Variants in EDIL3 observed in about 807,000 individuals in gnomAD.
EDIL3 encodes the protein EGF-like repeat and discoidin I-like domain-containing protein 3.
A neutral mutation model predicts 67.4 loss-of-function variants in EDIL3; 37 were observed. The ratio of observed to expected loss-of-function variants is 0.55; its 90% CI spans 0.42 to 0.72. The LOEUF (loss-of-function observed/expected upper bound fraction) is 0.72. Among genes scored for constraint, EDIL3 ranks in the 30% least tolerant of loss-of-function variants. The pLI is 0.00. For missense variants in EDIL3, 527 were observed against 586.3 expected, an observed-to-expected ratio of 0.90 and a Z score of 1.04; for synonymous variants, 195 against 196.3, an observed-to-expected ratio of 0.99 and a Z score of 0.05.
chr5:84,179,280 C>A (rs1748973936), intron 4 of EDIL3, among the ~76,000 whole-genome samples: 1 of 152,162 alleles, frequency 6.6e-6, no homozygotes, highest in Non-Finnish European at 1.5e-5. Context: ...ATCAGGGAGA[C>A]CTAGCCTTGG....
intron 6 of EDIL3, among the ~76,000 whole-genome samples, chr5:84,091,996 C>T (rs1466471740): frequency 6.6e-6 from 1 of 152,090 alleles, no homozygotes; most frequent in South Asian, 2.1e-4. Flanking sequence ...CAATAAGAAA[C>T]TCTCAAAAAT....
intron 10 of EDIL3, among the ~76,000 whole-genome samples, chr5:83,960,714 A>G (rs944419646): frequency 6.6e-6 from 1 of 151,108 alleles, no homozygotes; most frequent in Non-Finnish European, 1.5e-5. Context: ...TCACAAAAAT[A>G]GCAAAACGTT....
intron 1 of EDIL3, among the ~76,000 whole-genome samples, chr5:84,344,741 A>T (rs762989750): frequency 1.3e-5 from 2 of 152,138 alleles, no homozygotes; most frequent in African/African-American, 2.4e-5. Context: ...AAATTAATCC[A>T]AACAATTCCT....
chr5:84,089,834 T>A (rs756121098), intron 6 of EDIL3, among the ~76,000 whole-genome samples: 9 of 152,242 alleles, frequency 5.9e-5, no homozygotes, highest in Non-Finnish European at 1.3e-4. Flanking sequence ...AGTGCGACTT[T>A]GTTTATTCTA....
chr5:84,079,630 G>A (rs1746927108), intron 6 of EDIL3, among the ~76,000 whole-genome samples: 2 of 152,082 alleles, frequency 1.3e-5, no homozygotes, highest in South Asian at 4.2e-4. Context: ...TTGCTTGGGA[G>A]CTGGCAATAC....
chr5:84,181,996 T>A (rs1041782642), intron 3 of EDIL3, among the ~76,000 whole-genome samples: 12 of 152,112 alleles, frequency 7.9e-5, no homozygotes, highest in African/African-American at 2.9e-4. Flanking sequence ...GGAGTGAGTG[T>A]GTTCAGCTGA....
chr5:84,209,796 G>GA (rs1209548581), intron 3 of EDIL3, among the ~76,000 whole-genome samples: 1 of 152,088 alleles, frequency 6.6e-6, no homozygotes, highest in Non-Finnish European at 1.5e-5. Context: ...TAAATAAAAT[G>GA]AAAGAAATTC....
intron 10 of EDIL3, among the ~76,000 whole-genome samples, 171 bp from the exon 11 acceptor site, chr5:83,943,739 T>C (rs779792943): frequency 4.6e-5 from 7 of 152,098 alleles, no homozygotes; most frequent in Non-Finnish European, 1.0e-4. Flanking sequence ...TTAAATTAAA[T>C]GGTCAATTAA....
chr5:84,179,122 C>T (rs1748971751), intron 4 of EDIL3, among the ~76,000 whole-genome samples: 1 of 152,130 alleles, frequency 6.6e-6, no homozygotes, highest in African/African-American at 2.4e-5. Context: ...TCTGATGCCA[C>T]ATCACAGGGT....
At chr5:84,102,518 C>T (rs1716433546) in intron 6 of EDIL3, among the ~76,000 whole-genome samples, 1 of 151,504 alleles carries the variant, frequency 6.6e-6, no homozygotes, top group African/African-American at 2.4e-5. Context: ...GGTAAAAAAT[C>T]AACATACAAA....
At chr5:84,180,296 T>C in intron 4 of EDIL3, 97 bp downstream of exon 4, 1 of 1,369,432 alleles carries the variant, frequency 7.3e-7, no homozygotes, top group Non-Finnish European at 9.7e-7. Flanking sequence ...TCTCTTCTGC[T>C]CTCAGATTCT....
intron 1 of EDIL3, among the ~76,000 whole-genome samples, chr5:84,267,654 A>C (rs1054796593): frequency 2.0e-5 from 3 of 152,212 alleles, no homozygotes; most frequent in Non-Finnish European, 4.4e-5. Flanking sequence ...AGTTGTTTCA[A>C]AGCAGGTTCA....
In EDIL3 at chr5:84,306,279, C is replaced by G. The variant is rs559210467; in HGVS notation, c.68-52067G>C. ...CAGAGGAGACCAATCACAGCTGCAA[C>G]CAGCCTGAAAATGCATTTGGTGTGT... On this transcript the variant is annotated intron_variant, in intron 1 of 10. Transcript: ENST00000296591. Among the ~76,000 whole-genome samples the G allele has an allele frequency of 1.3e-5, 2 of 152,238 alleles. 1 individual carries two copies. Among genetic ancestry groups the G allele is most frequent in the South Asian group, 4.1e-4 (2 of 4,822 alleles).
At chr5:84,137,393 G>T in intron 4 of EDIL3, 39 bp from the exon 5 acceptor site, 1 of 1,546,246 alleles carries the variant, frequency 6.5e-7, no homozygotes, top group South Asian at 1.2e-5. Context: ...AGAATTATTG[G>T]TAAAAAATGA....
rs183970344 is a variant in EDIL3, at chr5:84,293,054, T to C, written c.68-38842A>G. On this transcript the variant is annotated intron_variant, in intron 1 of 10. Transcript: ENST00000296591. ...TGCTTAAGTTTCGACTTCCCAAAAA[T>C]GAAACTTTCTTCCCTTTTATGGGCT... Among the ~76,000 whole-genome samples the C allele has an allele frequency of 5.4e-4, 82 of 152,280 alleles. 1 individual carries two copies. In the East Asian group the frequency reaches 0.016, roughly 29 times the overall value.
chr5:84,064,374 C>T (rs1041434766), intron 8 of EDIL3, among the ~76,000 whole-genome samples: 4 of 152,042 alleles, frequency 2.6e-5, no homozygotes, highest in South Asian at 2.1e-4. Context: ...AACTTTTTGT[C>T]GGAAAACATA....
intron 4 of EDIL3, among the ~76,000 whole-genome samples, chr5:84,159,307 A>T (rs1287562381): frequency 6.6e-6 from 1 of 152,084 alleles, no homozygotes; most frequent in African/African-American, 2.4e-5. Context: ...TTCCTGCTGC[A>T]TAAAATTCTG....
chr5:84,198,866 G>T (rs1325339553), intron 3 of EDIL3, among the ~76,000 whole-genome samples: 1 of 152,008 alleles, frequency 6.6e-6, no homozygotes, highest in South Asian at 2.1e-4. Context: ...GGTTTTATTG[G>T]TCACCAAAGA....
intron 5 of EDIL3, among the ~76,000 whole-genome samples, chr5:84,121,690 T>G (rs1159832836): frequency 6.6e-6 from 1 of 152,022 alleles, no homozygotes; most frequent in Non-Finnish European, 1.5e-5. Context: ...GACTGAATTT[T>G]ACTTAGATGA....
Sources: allele counts gnomAD v4.1 joint callset (sites outside exome capture counted in the v4.1 genomes callset), GRCh38; gene constraint gnomAD v4.1.1; transcripts MANE v1.5; gene names NCBI Gene and HGNC (gene_info 2026-07-23, HGNC 2026-07-21).